The following PTPRR variants were observed in gnomAD, a reference collection of about 807,000 sequenced individuals.
PTPRR encodes the protein receptor-type tyrosine-protein phosphatase R.
Under a neutral mutation model 77.2 loss-of-function variants are expected in PTPRR, and 38 were observed. The ratio of observed to expected loss-of-function variants is 0.49; its 90% confidence interval spans 0.38 to 0.65. PTPRR has a LOEUF of 0.65. Among genes scored for constraint, PTPRR ranks in the 30% least tolerant of loss-of-function variants. The probability of loss-of-function intolerance (pLI) is 0.00; values close to 1 mark genes in which losing one functional copy is unlikely to be tolerated. For missense variants in PTPRR, 744 were observed against 799.2 expected (o/e 0.93, Z 0.83); for synonymous variants, 299 against 283.1 (o/e 1.06, Z -0.57).
chr12:70,712,393 A>G (rs952347616), intron 6 of PTPRR, among the ~76,000 whole-genome samples: 3 of 151,794 alleles, frequency 2.0e-5, no homozygotes, highest in Non-Finnish European at 4.4e-5. Context: ...ACCTCTCCCC[A>G]TAAGTAACTG....
intron 6 of PTPRR, among the ~76,000 whole-genome samples, chr12:70,702,493 T>C (rs78001203): frequency 0.016 from 2,424 of 152,280 alleles, 33 homozygotes; most frequent in East Asian, 0.075. Flanking sequence ...TTATTCCCTC[T>C]GGTATTTTAA....
chr12:70,667,294 T>C (rs1297039976), intron 10 of PTPRR, among the ~76,000 whole-genome samples: 1 of 152,128 alleles, frequency 6.6e-6, no homozygotes, highest in Non-Finnish European at 1.5e-5. Context: ...TAACTATAGT[T>C]GGAAGTAAAG....
At chr12:70,878,684 A>T (rs1401444762) in intron 2 of PTPRR, among the ~76,000 whole-genome samples, 4 of 152,208 alleles carry the variant, frequency 2.6e-5, no homozygotes, top group Admixed American at 1.3e-4. Context: ...ACTGTGGAAG[A>T]CAGTGTGGCG....
At chr12:70,687,527 T>C (rs898337161) in intron 8 of PTPRR, among the ~76,000 whole-genome samples, 1 of 152,002 alleles carries the variant, frequency 6.6e-6, no homozygotes, top group African/African-American at 2.4e-5. Context: ...ATGGAAGCAA[T>C]GTCTAGAAGA....
chr12:70,750,444 G>A lies in PTPRR; in HGVS notation c.738+3747C>T, dbSNP rs1025968383. 3.3e-4 allele frequency among the ~76,000 whole-genome samples: 50 copies of A among 152,130 alleles called. 2 individuals are homozygous for A. Among genetic ancestry groups the A allele is most frequent in the Non-Finnish European group, 1.3e-4 (9 of 68,032 alleles). On this transcript the variant is annotated intron_variant, in intron 5 of 13. Transcript: ENST00000283228. ...TGGGAAACAGAGTTGGAATACATGTGTTTCAGAATCACGAAAGTGATAGTA... is the reference window on the plus strand; with the variant it reads ...TGGGAAACAGAGTTGGAATACATGTATTTCAGAATCACGAAAGTGATAGTA...
intron 10 of PTPRR, chr12:70,672,989 G>A: frequency 7.5e-7 from 1 of 1,330,136 alleles, no homozygotes; most frequent in South Asian, 1.2e-5. Context: ...AGGTAGAAGG[G>A]AGAAGGATAG....
intron 7 of PTPRR, among the ~76,000 whole-genome samples, chr12:70,700,360 G>T (rs1513107): frequency 6.6e-6 from 1 of 152,034 alleles, no homozygotes; most frequent in African/African-American, 2.4e-5. Context: ...CTGAGTTGAT[G>T]TATGTTATCA....
chr12:70,684,110 T>C lies in PTPRR; in HGVS notation c.1497+17A>G, dbSNP rs759916811. 1 of 1,612,276 alleles carries C rather than the reference T, an allele frequency of 6.2e-7. No individual in the cohort carries two copies. Among genetic ancestry groups the C allele is most frequent in the Non-Finnish European group, 8.5e-7 (1 of 1,178,900 alleles). ...ACAGAACACATATAACATTCAGAAC[T>C]TGATTAAAGATCATACCTCATTTTT... On this transcript the variant is annotated intron_variant, in intron 10 of 13. Coordinates refer to ENST00000283228, the MANE Select transcript of PTPRR (RefSeq NM_002849.4).
At chr12:70,743,469 A>C (rs990767180) in intron 6 of PTPRR, among the ~76,000 whole-genome samples, 2 of 152,240 alleles carry the variant, frequency 1.3e-5, no homozygotes, top group Non-Finnish European at 2.9e-5. Context: ...AGTTTCTTTA[A>C]TACAAGAAAG....
intron 2 of PTPRR, among the ~76,000 whole-genome samples, chr12:70,876,729 A>G (rs1466720643): frequency 6.6e-6 from 1 of 152,208 alleles, no homozygotes; most frequent in African/African-American, 2.4e-5. Context: ...ATTTGGATTA[A>G]TAACATCTTT....
intron 2 of PTPRR, among the ~76,000 whole-genome samples, chr12:70,851,481 CTAGA>C (rs1314029521): frequency 1.3e-5 from 2 of 152,144 alleles, no homozygotes; most frequent in African/African-American, 4.8e-5. Flanking sequence ...CCATTACTTA[CTAGA>C]TATGGCACTT....
intron 2 of PTPRR, among the ~76,000 whole-genome samples, chr12:70,810,764 ATTTC>A (rs1464434667): frequency 6.6e-6 from 1 of 152,132 alleles, no homozygotes; most frequent in East Asian, 1.9e-4. Flanking sequence ...TGCCATGCCT[ATTTC>A]TTTCTCCTTA....
chr12:70,745,834 T>C lies in PTPRR; in HGVS notation c.991A>G (p.Ile331Val), dbSNP rs773627823. ...VCPSPFKMKP[I>V]GLQERRGSNV... ...AGCTCTTACCTCTCTTGAAGTCCTA[T>C]GGGCTTCATTTTGAAAGGAGAAGGG... Residue 331 changes from isoleucine to valine, a missense_variant, in exon 6 of 14, where the codon ATA becomes GTA. Ile to Val is a conservative substitution (Grantham distance 29, BLOSUM62 3). Transcript: ENST00000283228. The C allele has an allele frequency of 5.6e-6, 9 of 1,613,964 alleles. No homozygotes were observed. In the East Asian group the frequency reaches 1.8e-4, roughly 32 times the overall value.
chr12:70,756,085 G>GT (rs2136952807), intron 4 of PTPRR, among the ~76,000 whole-genome samples: 1 of 152,214 alleles, frequency 6.6e-6, no homozygotes, highest in South Asian at 2.1e-4. Context: ...AAAAGGGGTG[G>GT]TTAGGTGGGT....
intron 2 of PTPRR, among the ~76,000 whole-genome samples, chr12:70,848,700 C>A (rs1425214126): frequency 6.6e-6 from 1 of 152,070 alleles, no homozygotes; most frequent in African/African-American, 2.4e-5. Context: ...ACTTTAAATG[C>A]CATTTGGTTA....
At chr12:70,887,263 A>G (rs1423570546) in intron 2 of PTPRR, among the ~76,000 whole-genome samples, 5 of 152,106 alleles carry the variant, frequency 3.3e-5, no homozygotes, top group Admixed American at 2.0e-4. Flanking sequence ...CAGCTGGGCC[A>G]ACATGGTGAA....
At chr12:70,905,711 A>G (rs369587313) in intron 1 of PTPRR, among the ~76,000 whole-genome samples, 30 of 152,108 alleles carry the variant, frequency 2.0e-4, no homozygotes, top group African/African-American at 6.5e-4. Flanking sequence ...TCCTGAATGC[A>G]TAAGGTAGAA....
intron 6 of PTPRR, among the ~76,000 whole-genome samples, chr12:70,718,694 C>T (rs1396843774): frequency 6.6e-6 from 1 of 152,100 alleles, no homozygotes; most frequent in Non-Finnish European, 1.5e-5. Flanking sequence ...AAAATGTATT[C>T]ATGCTAAAAA....
chr12:70,752,233 C>T (rs1890424063), intron 5 of PTPRR, among the ~76,000 whole-genome samples: 1 of 152,170 alleles, frequency 6.6e-6, no homozygotes, highest in African/African-American at 2.4e-5. Flanking sequence ...AGAGAATATT[C>T]TGCAGGAATC....
Sources: gnomAD v4.1 joint callset for allele counts (sites outside exome capture counted in the v4.1 genomes callset) on GRCh38, gnomAD v4.1.1 for gene constraint, MANE v1.5 for transcripts, NCBI Gene and HGNC (gene_info 2026-07-23, HGNC 2026-07-21) for gene names.